The following MDGA2 variants were observed in gnomAD, a reference collection of about 807,000 sequenced individuals.
MDGA2 encodes MAM domain containing glycosylphosphatidylinositol anchor 2, also known as MAM domain-containing glycosylphosphatidylinositol anchor protein 2.
MDGA2 carries 40 observed loss-of-function variants against 117.8 expected under a neutral mutation model. The observed-to-expected ratio is 0.34, with a 90% CI of 0.26 to 0.44. The LOEUF (loss-of-function observed/expected upper bound fraction) is 0.44. MDGA2 is among the 20% of genes least tolerant of loss of function. The probability of loss-of-function intolerance (pLI) is 1.00; values close to 1 mark genes in which losing one functional copy is unlikely to be tolerated. For missense variants in MDGA2, 1,123 were observed against 1,250.6 expected (o/e 0.90, Z 1.54); for synonymous variants, 452 against 439.0 (o/e 1.03, Z -0.37).
In MDGA2 at chr14:47,091,758, G is replaced by A. The variant is rs368257738; in HGVS notation, c.1195+5096C>T. Among the ~76,000 whole-genome samples the A allele has an allele frequency of 2.6e-5, 4 of 152,134 alleles. No individual in the cohort carries two copies. The East Asian group carries it at 5.8e-4, about 22-fold the overall frequency. On this transcript the variant is annotated intron_variant, in intron 6 of 16. Coordinates refer to ENST00000399232, the MANE Select transcript of MDGA2 (RefSeq NM_001113498.3). ...AGTCAATAGACTGACTGGAACTAAT[G>A]TATATCTGCCCATAAAAATCTCCCA...
At chr14:47,079,491 G>A (rs545218043) in intron 6 of MDGA2, among the ~76,000 whole-genome samples, 32 of 152,086 alleles carry the variant, frequency 2.1e-4, no homozygotes, top group African/African-American at 7.7e-4. Flanking sequence ...TTGGGATGCA[G>A]GCAAATCAAA....
chr14:47,475,895 A>C (rs1594876598), intron 1 of MDGA2, among the ~76,000 whole-genome samples: 1 of 152,294 alleles, frequency 6.6e-6, no homozygotes, highest in East Asian at 1.9e-4. Context: ...TGGGTTGATC[A>C]TATATCATGT....
intron 1 of MDGA2, among the ~76,000 whole-genome samples, chr14:47,337,487 T>C (rs555026575): frequency 2.0e-5 from 3 of 152,020 alleles, no homozygotes; most frequent in South Asian, 2.1e-4. Context: ...TTTGTGTCAA[T>C]TGAATTAAAA....
intron 2 of MDGA2, among the ~76,000 whole-genome samples, chr14:47,230,452 A>T (rs1886650209): frequency 6.6e-6 from 1 of 151,976 alleles, no homozygotes; most frequent in South Asian, 2.1e-4. Context: ...AATCCCCCCC[A>T]AAACAAGTTA....
At chr14:47,050,665 T>C (rs1287337089) in intron 7 of MDGA2, among the ~76,000 whole-genome samples, 3 of 152,022 alleles carry the variant, frequency 2.0e-5, no homozygotes, top group African/African-American at 7.2e-5. Flanking sequence ...AGATAGCAAT[T>C]TAGAAACCCA....
chr14:46,977,849 A>G (rs1347038251), intron 8 of MDGA2, among the ~76,000 whole-genome samples: 1 of 110,668 alleles, frequency 9.0e-6, no homozygotes, highest in Non-Finnish European at 2.1e-5. Flanking sequence ...ATCCTTGAAA[A>G]TCTTGCTGGA....
Position 47,613,505 on chromosome 14 carries a change from ACG to A in MDGA2, c.280+61010_280+61011del, listed in dbSNP as rs1491252977. On this transcript the variant is annotated intron_variant, in intron 1 of 16. Transcript: ENST00000399232. ...CACACACACACACACACACACACAC[ACG>A]CACACGCACACCCACCAACCATCCC... Among the ~76,000 whole-genome samples the A allele has an allele frequency of 1.9e-3, 283 of 150,868 alleles. 1 individual carries two copies. Among genetic ancestry groups the A allele is most frequent in the African/African-American group, 6.5e-3 (268 of 41,148 alleles).
intron 2 of MDGA2, among the ~76,000 whole-genome samples, chr14:47,265,458 A>C (rs1261698541): frequency 6.6e-6 from 1 of 152,128 alleles, no homozygotes; most frequent in Non-Finnish European, 1.5e-5. Context: ...TTCATATTTT[A>C]AATATCCATA....
chr14:47,554,616 G>C (rs1895649445), intron 1 of MDGA2, among the ~76,000 whole-genome samples: 1 of 152,082 alleles, frequency 6.6e-6, no homozygotes, highest in Admixed American at 6.6e-5. Flanking sequence ...TGTTTTGTTT[G>C]AATAATGAGT....
chr14:47,003,799 T>C (rs533482594), intron 8 of MDGA2, among the ~76,000 whole-genome samples: 1 of 152,028 alleles, frequency 6.6e-6, no homozygotes, highest in Non-Finnish European at 1.5e-5. Context: ...TAATTTATTA[T>C]TTATTTCTTT....
At chr14:47,056,108 A>G (rs1486514504) in intron 7 of MDGA2, among the ~76,000 whole-genome samples, 1 of 152,126 alleles carries the variant, frequency 6.6e-6, no homozygotes, top group African/African-American at 2.4e-5. Context: ...ATTCCTTACT[A>G]TAGCCATTCT....
chr14:47,430,813 A>G (rs1892783530), intron 1 of MDGA2, among the ~76,000 whole-genome samples: 1 of 152,138 alleles, frequency 6.6e-6, no homozygotes, highest in Admixed American at 6.6e-5. Flanking sequence ...AGAATTATCT[A>G]AATTCAAATA....
At chr14:47,184,947 A>C (rs888970021) in intron 3 of MDGA2, among the ~76,000 whole-genome samples, 12 of 151,414 alleles carry the variant, frequency 7.9e-5, no homozygotes, top group Non-Finnish European at 1.5e-4. Context: ...ATAAAACGAA[A>C]ACAAATAAAT....
chr14:47,620,911 T>C (rs1897038251), intron 1 of MDGA2, among the ~76,000 whole-genome samples: 1 of 152,196 alleles, frequency 6.6e-6, no homozygotes, highest in African/African-American at 2.4e-5. Flanking sequence ...AATTGCCCAC[T>C]ATTTGTCACC....
intron 1 of MDGA2, among the ~76,000 whole-genome samples, chr14:47,397,303 G>T (rs2138451137): frequency 6.6e-6 from 1 of 152,144 alleles, no homozygotes; most frequent in Admixed American, 6.5e-5. Flanking sequence ...ACACAGGGAG[G>T]GTAACAAGAC....
intron 1 of MDGA2, among the ~76,000 whole-genome samples, chr14:47,642,179 C>T (rs1165470334): frequency 6.6e-6 from 1 of 152,028 alleles, no homozygotes; most frequent in Non-Finnish European, 1.5e-5. Context: ...CTTGTTATCT[C>T]AGTAGCCTTC....
At chr14:47,380,385 A>G (rs928091192) in intron 1 of MDGA2, among the ~76,000 whole-genome samples, 1 of 152,094 alleles carries the variant, frequency 6.6e-6, no homozygotes, top group African/African-American at 2.4e-5. Flanking sequence ...CAGAACTGAC[A>G]GAGATAGAGA....
chr14:46,867,466 G>A (rs534548032), intron 14 of MDGA2, among the ~76,000 whole-genome samples: 10 of 152,002 alleles, frequency 6.6e-5, no homozygotes, highest in South Asian at 2.1e-4. Context: ...TGGGTGCAGC[G>A]CACCAGCATG....
At chr14:47,351,626 C>A (rs886169343) in intron 1 of MDGA2, among the ~76,000 whole-genome samples, 1 of 152,100 alleles carries the variant, frequency 6.6e-6, no homozygotes, top group East Asian at 1.9e-4. Flanking sequence ...ATATCCATTG[C>A]CCCACCTTAT....
Sources: allele counts gnomAD v4.1 joint callset (sites outside exome capture counted in the v4.1 genomes callset), GRCh38; gene constraint gnomAD v4.1.1; transcripts MANE v1.5; gene names NCBI Gene and HGNC (gene_info 2026-07-23, HGNC 2026-07-21).